Variants in CDC37 observed in about 807,000 individuals in gnomAD.
CDC37 encodes the protein hsp90 co-chaperone Cdc37.
A neutral mutation model predicts 46.9 loss-of-function variants in CDC37; 9 were observed. The observed-to-expected ratio is 0.19, with a 90% CI of 0.12 to 0.33. CDC37 has a LOEUF of 0.33. Ranked by LOEUF, CDC37 falls within the 10% of genes least tolerant of loss-of-function variation. The pLI, the probability that CDC37 is intolerant of heterozygous loss-of-function variation, is 1.00. For synonymous variants in CDC37, 193 were observed against 191.0 expected, an observed-to-expected ratio of 1.01 and a Z score of -0.09; for missense variants, 388 against 514.6, an observed-to-expected ratio of 0.75 and a Z score of 2.38.
rs2042502709 is a variant in CDC37, at chr19:10,398,453, C to T, written c.103-2250G>A. Among the ~76,000 whole-genome samples, 1 of 152,236 alleles carries T rather than the reference C, an allele frequency of 6.6e-6. No homozygotes were observed. Among genetic ancestry groups the T allele is most frequent in the Non-Finnish European group, 1.5e-5 (1 of 68,030 alleles). ...AGGGTGCTGGAGGACAGCCTTGGGG[C>T]AACGGCCCCTGGGTCCTAGCCCACA... On this transcript the variant is annotated intron_variant, in intron 1 of 7. Transcript: ENST00000222005. The surrounding 1 kb of genome is among the most constrained non-coding windows in gnomAD (Gnocchi z 4.2).
Position 10,393,169 on chromosome 19 carries a change from GAGGGGCTGGGGTC to G in CDC37, c.910-25_910-13del, listed in dbSNP as rs1033460162. ...CACTTCTGGAGTTCCTGGGGGTACA[GAGGGGCTGGGGTC>G]AGGGGCTGGGTCCCTGTGGCCCTGG... On this transcript the variant is annotated splice_polypyrimidine_tract_variant and intron_variant, in intron 6 of 7. Transcript: ENST00000222005. The surrounding 1 kb of genome is among the most constrained non-coding windows in gnomAD (Gnocchi z 4.9). The G allele has an allele frequency of 6.2e-7, 1 of 1,613,794 alleles. No homozygotes were observed. The highest frequency in any genetic ancestry group is 8.5e-7 in the Non-Finnish European group (1 of 1,179,752).
chr19:10,399,464 A>C (rs374311506), intron 1 of CDC37, among the ~76,000 whole-genome samples: 10 of 77,018 alleles, frequency 1.3e-4, no homozygotes, highest in Non-Finnish European at 2.5e-4. Flanking sequence ...ACCCTGTCTG[A>C]AAAAAAAAAA....
intron 1 of CDC37, among the ~76,000 whole-genome samples, chr19:10,397,415 C>CTTTTTTTTTT (rs933052804): frequency 1.2e-5 from 1 of 86,844 alleles, no homozygotes; most frequent in African/African-American, 5.3e-5. Flanking sequence ...CCAAGCCTGG[C>CTTTTTTTTTT]TTTTTTTTTT....
Position 10,396,320 on chromosome 19 carries a change from C to A in CDC37, c.103-117G>T. The A allele has an allele frequency of 8.3e-7, 1 of 1,198,796 alleles. No homozygotes were observed. Among genetic ancestry groups the A allele is most frequent in the South Asian group, 1.5e-5 (1 of 65,714 alleles). 74.3% of individuals were successfully genotyped at this position (1,198,796 alleles called of 1,614,324 possible). A position where few individuals can be genotyped will look rare whatever the true frequency, so the allele number is the denominator to read the frequency against. On this transcript the variant is annotated intron_variant, in intron 1 of 7. Transcript: ENST00000222005. This position sits in a 1 kb window ranked among gnomAD's most constrained non-coding sequence, Gnocchi z 5.9. ...AAAAAGTACGCGTCCACCTCCCGTG[C>A]CCTGGTCTCCCAGCTTCCGCCCCTG...
chr19:10,402,797 G>C (rs2042526797), intron 1 of CDC37, among the ~76,000 whole-genome samples: 1 of 152,152 alleles, frequency 6.6e-6, no homozygotes. Flanking sequence ...AGGGGGTCCT[G>C]GGTGTGGGCA....
chr19:10,397,466 A>AGT (rs2042498467), intron 1 of CDC37, among the ~76,000 whole-genome samples: 1 of 138,300 alleles, frequency 7.2e-6, no homozygotes, highest in Non-Finnish European at 1.5e-5. Context: ...GCTGGAGTGC[A>AGT]GTGGCGTGAT....
chr19:10,395,586 G>T (rs1647047468), intron 2 of CDC37, 43 bp from the exon 3 acceptor site: 1 of 1,487,628 alleles, frequency 6.7e-7, no homozygotes. Context: ...GCAAGGCTGC[G>T]GAGCGCCTCG....
At chr19:10,400,200 C>G (rs1421126759) in intron 1 of CDC37, among the ~76,000 whole-genome samples, 2 of 152,092 alleles carry the variant, frequency 1.3e-5, no homozygotes, top group African/African-American at 2.4e-5. Flanking sequence ...GGAGAAGCCA[C>G]CCCAGCAAGC....
chr19:10,401,582 T>TA (rs1186486024), intron 1 of CDC37, among the ~76,000 whole-genome samples: 1 of 152,178 alleles, frequency 6.6e-6, no homozygotes, highest in Non-Finnish European at 1.5e-5. Flanking sequence ...AATAAAATGT[T>TA]ACACACGGCA....
At position 10,395,001 on chromosome 19, in the gene CDC37, T is replaced by C; in HGVS notation, c.726+20A>G. Reference sequence around the variant, plus strand: ...CCTGGGGAGGGGGCCTCCAGCCACCTGGCAGCTCAGGGACCCTACCTTAAT... The same window carrying C: ...CCTGGGGAGGGGGCCTCCAGCCACCCGGCAGCTCAGGGACCCTACCTTAAT... On this transcript the variant is annotated intron_variant, in intron 5 of 7. Coordinates refer to ENST00000222005, the MANE Select transcript of CDC37 (RefSeq NM_007065.4). 1 of 1,510,968 alleles carries C rather than the reference T, an allele frequency of 6.6e-7. No individual in the cohort carries two copies. The highest frequency in any genetic ancestry group is 2.3e-5 in the Admixed American group (1 of 44,030). The allele number at this position is 1,510,968 out of a possible 1,614,324, so 93.6% of individuals were successfully genotyped here. A position where few individuals can be genotyped will look rare whatever the true frequency, so the allele number is the denominator to read the frequency against.
intron 5 of CDC37, among the ~76,000 whole-genome samples, chr19:10,394,068 C>A (rs1279535249): frequency 1.3e-5 from 2 of 151,934 alleles, no homozygotes; most frequent in Non-Finnish European, 2.9e-5. Flanking sequence ...CCAGCCTGGG[C>A]AACAGAGTGA....
chr19:10,393,806 G>C lies in CDC37; in HGVS notation c.727-365C>G, dbSNP rs2042472237. The C allele has an allele frequency of 5.0e-6, 1 of 201,838 alleles. No individual in the cohort carries two copies. The highest frequency in any genetic ancestry group is 9.9e-6 in the Non-Finnish European group (1 of 100,626). The allele number at this position is 201,838 out of a possible 1,614,324, so 12.5% of individuals were successfully genotyped here. ...GGTACGCAGGTTAAAAATCCTAGAG[G>C]CTAGGCCGGGCGCGGTGGCTCACGC... On this transcript the variant is annotated intron_variant, in intron 5 of 7. Coordinates refer to ENST00000222005, the MANE Select transcript of CDC37 (RefSeq NM_007065.4). This position sits in a 1 kb window ranked among gnomAD's most constrained non-coding sequence, Gnocchi z 4.9.
rs1249581940 is a variant in CDC37, at chr19:10,403,270, G to A, written c.102+108C>T. 3 of 791,706 alleles carry A rather than the reference G, an allele frequency of 3.8e-6. No individual in the cohort carries two copies. In the African/African-American group the frequency reaches 5.1e-5, roughly 13 times the overall value. 49.0% of individuals were successfully genotyped at this position (791,706 alleles called of 1,614,324 possible). ...GAAGCTCCTGAAAATCCAGACTGGG[G>A]GGGTGAGAATCCTAGGTGTGAACAG... On this transcript the variant is annotated intron_variant, in intron 1 of 7. Coordinates refer to ENST00000222005, the MANE Select transcript of CDC37 (RefSeq NM_007065.4).
chr19:10,394,477 C>A (rs1485731591), intron 5 of CDC37, among the ~76,000 whole-genome samples: 1 of 151,996 alleles, frequency 6.6e-6, no homozygotes, highest in Admixed American at 6.6e-5. Flanking sequence ...ATAGTTGGGA[C>A]TATAGTACTC....
intron 2 of CDC37, 25 bp downstream of exon 2, chr19:10,395,903 T>TACCCCCCCCCCC: frequency 1.3e-6 from 2 of 1,573,920 alleles, no homozygotes; most frequent in Admixed American, 3.4e-5. Context: ...GCATGCGCAC[T>TACCCCCCCCCCC]GCCCGCCCCG....
In CDC37 at chr19:10,391,422, C is replaced by T. The variant is rs577728531; in HGVS notation, c.*129G>A. On this transcript the variant is annotated 3_prime_UTR_variant, in exon 8 of 8. Transcript: ENST00000222005. ...AGTGGAGAGGCCAGGGAGGGCTGGG[C>T]GGGCCCCCCAGGCTGGGCCGAGCAG... 22 of 1,104,016 alleles carry T rather than the reference C, an allele frequency of 2.0e-5. No homozygotes were observed. Among genetic ancestry groups the T allele is most frequent in the South Asian group, 6.3e-5 (5 of 79,184 alleles). 68.4% of individuals were successfully genotyped at this position (1,104,016 alleles called of 1,614,324 possible). A position where few individuals can be genotyped will look rare whatever the true frequency, so the allele number is the denominator to read the frequency against.
Position 10,395,481 on chromosome 19 carries a change from T to G in CDC37, c.441A>C (p.Lys147Asn). 1 of 1,614,180 alleles carries G rather than the reference T, an allele frequency of 6.2e-7. No individual in the cohort carries two copies. Among genetic ancestry groups the G allele is most frequent in the Non-Finnish European group, 8.5e-7 (1 of 1,180,002 alleles). ...EEDSEEVREQ[K>N]HKTFVEKYEK... ...CGTATTTTTCCACGAAGGTCTTGTG[T>G]TTCTGCTCCCTCACCTCCTCTGAGT... Residue 147 changes from lysine to asparagine, a missense_variant, in exon 3 of 8, where the codon AAA (lysine) becomes AAC (asparagine). Coordinates refer to ENST00000222005, the MANE Select transcript of CDC37 (RefSeq NM_007065.4).
At chr19:10,395,904 G>GGGCC in intron 2 of CDC37, 24 bp downstream of exon 2, 126 of 1,541,870 alleles carry the variant, frequency 8.2e-5, no homozygotes, top group Non-Finnish European at 9.9e-5. Context: ...CATGCGCACT[G>GGGCC]CCCGCCCCGC....
chr19:10,392,564 A>C (rs1352147302), intron 7 of CDC37, among the ~76,000 whole-genome samples: 1 of 152,182 alleles, frequency 6.6e-6, no homozygotes, highest in Non-Finnish European at 1.5e-5. Flanking sequence ...GTCTTTATAA[A>C]AACATAATTT....
Sources: allele counts gnomAD v4.1 joint callset (sites outside exome capture counted in the v4.1 genomes callset), GRCh38; gene constraint gnomAD v4.1.1; non-coding constraint Gnocchi (gnomAD v3.1); transcripts MANE v1.5; gene names NCBI Gene and HGNC (gene_info 2026-07-23, HGNC 2026-07-21).